Variants in COL6A5 observed in about 807,000 individuals in gnomAD.
COL6A5 encodes the protein collagen alpha-5(VI) chain.
COL6A5 carries 48 observed loss-of-function variants against 65.6 expected under a neutral mutation model. That is an observed-to-expected ratio of 0.73 (90% CI 0.58 to 0.93). The LOEUF is 0.93. COL6A5 is among the 40% of genes least tolerant of loss of function. The probability of loss-of-function intolerance (pLI) is 0.00; values close to 1 mark genes in which losing one functional copy is unlikely to be tolerated. For synonymous variants in COL6A5, 291 were observed against 322.8 expected, an observed-to-expected ratio of 0.90 and a Z score of 1.05; for missense variants, 914 against 928.3, an observed-to-expected ratio of 0.98 and a Z score of 0.20.
intron 5 of COL6A5, among the ~76,000 whole-genome samples, chr3:130,457,475 T>G (rs1248041148): frequency 6.6e-6 from 1 of 151,984 alleles, no homozygotes; most frequent in Non-Finnish European, 1.5e-5. Flanking sequence ...AGAATCAAGA[T>G]CTGTATAGTT....
chr3:130,460,313 T>TG (rs879603759), intron 5 of COL6A5, among the ~76,000 whole-genome samples: 2 of 152,160 alleles, frequency 1.3e-5, no homozygotes, highest in Admixed American at 6.6e-5. Context: ...ATTACCTCAT[T>TG]TTAAGCTGTA....
chr3:130,424,735 A>G (rs1161514642), intron 29 of COL6A5, among the ~76,000 whole-genome samples: 1 of 152,160 alleles, frequency 6.6e-6, no homozygotes, highest in African/African-American at 2.4e-5. Flanking sequence ...GGATACTCTG[A>G]TACAATATTT....
chr3:130,346,151 A>G (rs542537199), intron 1 of COL6A5, among the ~76,000 whole-genome samples, 170 bp downstream of exon 1: 5 of 152,342 alleles, frequency 3.3e-5, no homozygotes, highest in Admixed American at 2.6e-4. Context: ...TCTGAAAGGT[A>G]GACTCAGAAT....
At chr3:130,472,858 T>TATACAC (rs1198559167) in intron 7 of COL6A5, among the ~76,000 whole-genome samples, 7 of 141,852 alleles carry the variant, frequency 4.9e-5, no homozygotes, top group African/African-American at 1.5e-4. Context: ...TATATATATA[T>TATACAC]ACACATTTAT....
intron 24 of COL6A5, among the ~76,000 whole-genome samples, chr3:130,417,092 AC>A (rs1937366784): frequency 6.9e-6 from 1 of 145,874 alleles, no homozygotes; most frequent in Non-Finnish European, 1.5e-5. Context: ...CTTGGCCCCC[AC>A]CCCCCGACAG....
intron 7 of COL6A5, among the ~76,000 whole-genome samples, chr3:130,474,672 C>T (rs1378319351): frequency 6.6e-6 from 1 of 151,896 alleles, no homozygotes; most frequent in Middle Eastern, 3.2e-3. Context: ...TTAAAACATT[C>T]ACTGGATGAG....
chr3:130,356,259 G>T (rs1360797248), intron 1 of COL6A5, among the ~76,000 whole-genome samples: 1 of 152,016 alleles, frequency 6.6e-6, no homozygotes, highest in African/African-American at 2.4e-5. Context: ...TAACTAGCAT[G>T]GTGTAGAAAT....
chr3:130,359,469 A>G (rs1437034854), intron 1 of COL6A5, among the ~76,000 whole-genome samples: 2 of 152,102 alleles, frequency 1.3e-5, no homozygotes, highest in African/African-American at 4.8e-5. Flanking sequence ...ACACAAGGAA[A>G]AAAATGTAAT....
chr3:130,459,761 C>T (rs781469980), intron 5 of COL6A5, among the ~76,000 whole-genome samples: 2 of 151,734 alleles, frequency 1.3e-5, no homozygotes, highest in African/African-American at 4.8e-5. Context: ...ACTATTATAC[C>T]ACATAAAAAT....
At chr3:130,345,766 C>A (rs1024529548) in exon 1 of COL6A5, 11 of 398,562 alleles carry the variant, frequency 2.8e-5, no homozygotes, top group Non-Finnish European at 4.4e-5. Flanking sequence ...CCTCTCAGGG[C>A]ACGAGGCGTT....
At chr3:130,452,098 G>A (rs1041009227) in intron 4 of COL6A5, among the ~76,000 whole-genome samples, 1 of 152,160 alleles carries the variant, frequency 6.6e-6, no homozygotes, top group South Asian at 2.1e-4. Flanking sequence ...TGTTTTAACA[G>A]GAGTTTAATA....
At chr3:130,387,304 A>G (rs1273842300) in intron 5 of COL6A5, among the ~76,000 whole-genome samples, 2 of 152,156 alleles carry the variant, frequency 1.3e-5, no homozygotes, top group Non-Finnish European at 1.5e-5. Context: ...TCATCTGCCT[A>G]TCTAAAATTT....
At chr3:130,480,747 A>C (rs968075162) in intron 7 of COL6A5, among the ~76,000 whole-genome samples, 1 of 151,238 alleles carries the variant, frequency 6.6e-6, no homozygotes, top group Non-Finnish European at 1.5e-5. Context: ...TGTAAGCAAA[A>C]ATTTTTAAAG....
chr3:130,431,898 C>T, exon 1 of COL6A5: 1 of 1,551,474 alleles, frequency 6.4e-7, no homozygotes, highest in Non-Finnish European at 8.7e-7. Context: ...CCCTGGATAT[C>T]AGTCCAACAG....
chr3:130,352,806 A>T (rs563965440), intron 1 of COL6A5, among the ~76,000 whole-genome samples: 1 of 152,230 alleles, frequency 6.6e-6, no homozygotes, highest in African/African-American at 2.4e-5. Context: ...AGGAGATAAC[A>T]TAATCAAATT....
upstream of COL6A5, chr3:130,429,545 C>CA: frequency 6.5e-7 from 1 of 1,541,266 alleles, no homozygotes; most frequent in South Asian, 1.2e-5. Context: ...AAGAAGGTAA[C>CA]AAACTTTTCC....
Position 130,384,880 on chromosome 3 carries a change from G to A in COL6A5, c.1377G>A (p.Glu459=), listed in dbSNP as rs58143906. Residue 459 remains glutamate, a synonymous_variant and NMD_transcript_variant, in exon 5 of 42, where the codon GAG becomes GAA. Coordinates refer to the COL6A5 transcript ENST00000312481. ...GCAGCATCCAGGAGAAACAGTTTGA[G>A]CAAATCAAGAGATTTATGTTGGAAG... The A allele has an allele frequency of 0.027, 42,198 of 1,550,728 alleles. 3,928 individuals carry two copies. In the East Asian group the frequency reaches 0.36, roughly 13 times the overall value.
At position 130,410,489 on chromosome 3, in the gene COL6A5, G is replaced by A. The variant is rs1454758330; in HGVS notation, c.4627G>A (p.Gly1543Arg). 6 of 1,550,862 alleles carry A rather than the reference G, an allele frequency of 3.9e-6. No individual in the cohort carries two copies. In the South Asian group the frequency reaches 4.8e-5, roughly 12 times the overall value. ...TTTTTAGGGTAGAAGTGGACAGAAA[G>A]GGGTGCAAGGCAGTCCTAGTTCCAG... Residue 1543 changes from glycine to arginine, a missense_variant and NMD_transcript_variant, in exon 20 of 42, where the codon GGG (glycine) becomes AGG (arginine). Transcript: ENST00000312481.
chr3:130,353,908 A>G (rs908332807), intron 1 of COL6A5, among the ~76,000 whole-genome samples: 5 of 152,044 alleles, frequency 3.3e-5, no homozygotes, highest in African/African-American at 1.2e-4. Context: ...AAAATGTGAA[A>G]AAGACGCATC....
Sources: gnomAD v4.1 joint callset for allele counts (sites outside exome capture counted in the v4.1 genomes callset) on GRCh38, gnomAD v4.1.1 for gene constraint, MANE v1.5 for transcripts, NCBI Gene and HGNC (gene_info 2026-07-23, HGNC 2026-07-21) for gene names.